HTT: variants seen among roughly 807,000 people sequenced by gnomAD.
HTT encodes huntington disease protein.
HTT carries 104 observed loss-of-function variants against 362.3 expected under a neutral mutation model. That is an observed-to-expected ratio of 0.29 (90% CI 0.24 to 0.34). HTT has a LOEUF of 0.34. Ranked by LOEUF, HTT falls within the 10% of genes least tolerant of loss-of-function variation. HTT has a pLI of 1.00. For synonymous variants in HTT, 1,577 were observed against 1,548.7 expected, an observed-to-expected ratio of 1.02 and a Z score of -0.43; for missense variants, 3,301 against 3,928.6, an observed-to-expected ratio of 0.84 and a Z score of 4.27.
intron 66 of HTT, 130 bp from the exon 67 acceptor site, chr4:3,239,716 C>CTGCTCGCTCT: frequency 2.8e-6 from 2 of 705,898 alleles, no homozygotes; most frequent in Non-Finnish European, 2.4e-6. Context: ...GTGGCCCTTC[C>CTGCTCGCTCT]GGGGCTCTGC....
At chr4:3,168,112 C>T (rs1717797490) in intron 29 of HTT, among the ~76,000 whole-genome samples, 1 of 152,224 alleles carries the variant, frequency 6.6e-6, no homozygotes, top group South Asian at 2.1e-4. Context: ...AGGAATCTCC[C>T]TCACTGACTC....
chr4:3,169,116 T>G (rs1181267059), intron 29 of HTT, among the ~76,000 whole-genome samples: 3 of 152,030 alleles, frequency 2.0e-5, no homozygotes, highest in Non-Finnish European at 4.4e-5. Context: ...CCTCCTGGGT[T>G]CACGCCATTC....
In HTT at chr4:3,228,657, C is replaced by G; in HGVS notation, c.7891C>G (p.Leu2631Val). Residue 2631 changes from leucine to valine, a missense_variant, in exon 58 of 67, where the codon CTG becomes GTG. This residue lies in a region of HTT where 753 missense variants were observed against 1,021.3 expected (regional missense o/e 0.74). Coordinates refer to ENST00000355072, the MANE Select transcript of HTT (RefSeq NM_001388492.1). This position sits in a 1 kb window ranked among gnomAD's most constrained non-coding sequence, Gnocchi z 4.3. ...SVWLGNSITP[L>V]REEEWDEEEE... Reference sequence around the variant, plus strand: ...GTGGCTGGGGAACAGCATCACACCCCTGAGGGAGGAGGAATGGGACGAGGA... The same window carrying G: ...GTGGCTGGGGAACAGCATCACACCCGTGAGGGAGGAGGAATGGGACGAGGA... 6.2e-7 allele frequency: 1 copy of G among 1,608,160 alleles called. No individual in the cohort carries two copies. The highest frequency in any genetic ancestry group is 8.5e-7 in the Non-Finnish European group (1 of 1,176,924).
intron 2 of HTT, among the ~76,000 whole-genome samples, chr4:3,097,989 A>G (rs1186077309): frequency 6.6e-6 from 1 of 152,256 alleles, no homozygotes; most frequent in Non-Finnish European, 1.5e-5. Context: ...ATTTCTTCAC[A>G]TTAATTACAT....
At chr4:3,112,212 C>G (rs1421640715) in intron 6 of HTT, among the ~76,000 whole-genome samples, 1 of 152,224 alleles carries the variant, frequency 6.6e-6, no homozygotes, top group Non-Finnish European at 1.5e-5. Flanking sequence ...CTCCCACCCT[C>G]TGGTTTATTC....
chr4:3,157,451 G>A (rs1717206844), intron 28 of HTT, among the ~76,000 whole-genome samples: 1 of 152,202 alleles, frequency 6.6e-6, no homozygotes, highest in African/African-American at 2.4e-5. Context: ...GTGCAGCCAG[G>A]TTATAGGGGG....
At chr4:3,109,862 T>C (rs1230342298) in intron 6 of HTT, among the ~76,000 whole-genome samples, 1 of 152,128 alleles carries the variant, frequency 6.6e-6, no homozygotes, top group Non-Finnish European at 1.5e-5. Context: ...ATCGAAGTTC[T>C]AGGTGACCCA....
At chr4:3,223,813 G>A (rs148350442) in intron 55 of HTT, among the ~76,000 whole-genome samples, 179 bp from the exon 56 acceptor site, 10 of 152,368 alleles carry the variant, frequency 6.6e-5, no homozygotes, top group Non-Finnish European at 1.0e-4. Flanking sequence ...GCAGGAATGA[G>A]CAGGCAACTA....
At position 3,130,008 on chromosome 4, in the gene HTT, C is replaced by T; in HGVS notation, c.1828C>T (p.Pro610Ser). Residue 610 changes from proline (P) to serine (S), a missense_variant, in exon 13 of 67, where the codon CCT becomes TCT. By Grantham distance (74) the Pro-to-Ser change is moderately conservative. Coordinates refer to ENST00000355072, the MANE Select transcript of HTT (RefSeq NM_001388492.1). ...AGATGAGGAAGCCACAGGTATTCTT[C>T]CTGATGAAGCCTCGGAGGCCTTCAG... ...DEDEEATGIL[P>S]DEASEAFRNS... 6.2e-7 allele frequency: 1 copy of T among 1,613,488 alleles called. No individual in the cohort carries two copies. Among genetic ancestry groups the T allele is most frequent in the Non-Finnish European group, 8.5e-7 (1 of 1,179,720 alleles).
rs1347451938 is a variant in HTT, at chr4:3,206,084, C to T, written c.5719-412C>T. Among the ~76,000 whole-genome samples, 1 of 152,232 alleles carries T rather than the reference C, an allele frequency of 6.6e-6. No homozygotes were observed. Among genetic ancestry groups the T allele is most frequent in the African/African-American group, 2.4e-5 (1 of 41,452 alleles). ...AATTGGAAAAAGAGTAATTGGAGAA[C>T]CCCACTGGCTTAGCCGGCCCGAAGC... On this transcript the variant is annotated intron_variant, in intron 42 of 66. Transcript: ENST00000355072. This position sits in a 1 kb window ranked among gnomAD's most constrained non-coding sequence, Gnocchi z 4.6.
chr4:3,227,749 G>T (rs1210630915), intron 57 of HTT, among the ~76,000 whole-genome samples: 538 of 37,172 alleles, frequency 0.014, 17 homozygotes, highest in African/African-American at 0.062. Flanking sequence ...GGGGCTGAAG[G>T]ACAGTGCCAC....
intron 40 of HTT, among the ~76,000 whole-genome samples, chr4:3,192,738 G>A (rs769654294): frequency 3.3e-5 from 5 of 152,242 alleles, no homozygotes; most frequent in African/African-American, 4.8e-5. Context: ...AGGGATGGGA[G>A]CAGGGTGCTT....
chr4:3,100,303 A>T (rs537143258), intron 3 of HTT, among the ~76,000 whole-genome samples: 39 of 152,354 alleles, frequency 2.6e-4, no homozygotes, highest in South Asian at 2.1e-3. Context: ...AAGTGTTCTT[A>T]TTAATAATGA....
chr4:3,145,908 A>G (rs1323627926), intron 24 of HTT, among the ~76,000 whole-genome samples: 3 of 152,332 alleles, frequency 2.0e-5, no homozygotes, highest in South Asian at 2.1e-4. Flanking sequence ...CTGAGCAGCT[A>G]CGGTTTCTAA....
At chr4:3,226,817 G>A (rs1720942608) in intron 57 of HTT, among the ~76,000 whole-genome samples, 1 of 152,234 alleles carries the variant, frequency 6.6e-6, no homozygotes, top group African/African-American at 2.4e-5. Flanking sequence ...CTCTCTGCCT[G>A]TACTGTCCTG....
intron 44 of HTT, 30 bp downstream of exon 44, chr4:3,207,013 T>G (rs1719888882): frequency 6.3e-7 from 1 of 1,581,184 alleles, no homozygotes. Context: ...TGATATTGAT[T>G]TATATTGAAA....
At chr4:3,076,906 G>A (rs1000558627) in intron 1 of HTT, among the ~76,000 whole-genome samples, 1 of 152,180 alleles carries the variant, frequency 6.6e-6, no homozygotes, top group African/African-American at 2.4e-5. Context: ...GGACTGGCAA[G>A]GTGGCTTACA....
intron 37 of HTT, among the ~76,000 whole-genome samples, chr4:3,184,878 G>A (rs1351317677): frequency 6.6e-6 from 1 of 152,170 alleles, no homozygotes; most frequent in African/African-American, 2.4e-5. Flanking sequence ...GGTCAGGTAG[G>A]TGAGGGGAGC....
intron 28 of HTT, among the ~76,000 whole-genome samples, chr4:3,157,456 AG>A (rs1472712534): frequency 1.3e-5 from 2 of 152,208 alleles, no homozygotes; most frequent in Non-Finnish European, 2.9e-5. Flanking sequence ...GCCAGGTTAT[AG>A]GGGGAAGTGG....
Sources: allele counts gnomAD v4.1 joint callset (sites outside exome capture counted in the v4.1 genomes callset), GRCh38; gene constraint gnomAD v4.1.1; regional missense constraint gnomAD v4.1.1; non-coding constraint Gnocchi (gnomAD v3.1); transcripts MANE v1.5; gene names NCBI Gene and HGNC (gene_info 2026-07-23, HGNC 2026-07-21).